Variants in GFRA1 observed in about 807,000 individuals in gnomAD.
The protein encoded by GFRA1 is GDNF family receptor alpha-1.
Under a neutral mutation model 51.6 loss-of-function variants are expected in GFRA1, and 16 were observed. The observed-to-expected ratio is 0.31, with a 90% CI of 0.21 to 0.47. The LOEUF (loss-of-function observed/expected upper bound fraction) is 0.47, where lower values mean the gene tolerates loss of function less well. Among genes scored for constraint, GFRA1 ranks in the 20% least tolerant of loss-of-function variants. The pLI is 1.00. For synonymous variants in GFRA1, 270 were observed against 241.3 expected (o/e 1.12, Z -1.10); for missense variants, 530 against 594.3 (o/e 0.89, Z 1.13).
intron 4 of GFRA1, among the ~76,000 whole-genome samples, chr10:116,262,095 CA>C (rs1407759269): frequency 6.6e-6 from 1 of 152,126 alleles, no homozygotes; most frequent in African/African-American, 2.4e-5. Context: ...GCAGAAAAAT[CA>C]AGAGATGGCA....
chr10:116,127,389 A>G (rs1158657166), intron 5 of GFRA1, among the ~76,000 whole-genome samples: 6 of 152,220 alleles, frequency 3.9e-5, no homozygotes. Context: ...GAAAACCCAT[A>G]TGTAAATATC....
At chr10:116,112,191 C>A (rs992907093) in intron 6 of GFRA1, among the ~76,000 whole-genome samples, 2 of 152,222 alleles carry the variant, frequency 1.3e-5, no homozygotes, top group Non-Finnish European at 2.9e-5. Flanking sequence ...CTTATTTCCA[C>A]TGAAAGGTTT....
Position 116,062,569 on chromosome 10 carries a change from T to C in GFRA1, c.*1829A>G, listed in dbSNP as rs1954869523. ...ATTTCCCCTTCCCCCCAGTGACTTATCTTACAAGGCAAACACCAGCAGGCA... is the reference window on the plus strand; with the variant it reads ...ATTTCCCCTTCCCCCCAGTGACTTACCTTACAAGGCAAACACCAGCAGGCA... On this transcript the variant is annotated 3_prime_UTR_variant, in exon 11 of 11. Transcript: ENST00000355422. 6.5e-6 allele frequency: 1 copy of C among 153,070 alleles called. No individual in the cohort carries two copies. The highest frequency in any genetic ancestry group is 2.4e-5 in the African/African-American group (1 of 41,478). 9.5% of individuals were successfully genotyped at this position (153,070 alleles called of 1,614,324 possible). A position where few individuals can be genotyped will look rare whatever the true frequency, so the allele number is the denominator to read the frequency against.
chr10:116,202,582 C>T (rs972580780), intron 5 of GFRA1, among the ~76,000 whole-genome samples: 2 of 152,104 alleles, frequency 1.3e-5, no homozygotes, highest in African/African-American at 4.8e-5. Flanking sequence ...TAACAGGAAG[C>T]ATGGCTGGGA....
At chr10:116,249,228 A>G (rs975774330) in intron 4 of GFRA1, among the ~76,000 whole-genome samples, 1 of 152,170 alleles carries the variant, frequency 6.6e-6, no homozygotes, top group Non-Finnish European at 1.5e-5. Context: ...GGAGGGGCCA[A>G]TCTGACTTTG....
rs145857436 is a variant in GFRA1, at chr10:116,152,291, G to A, written c.434-26734C>T. Among the ~76,000 whole-genome samples, 763 of 152,286 alleles carry A rather than the reference G, an allele frequency of 5.0e-3. 3 individuals carry two copies. The highest frequency in any genetic ancestry group is 7.0e-3 in the Non-Finnish European group (478 of 68,016). ...GTATTGCAATAAGCCAGTACCCCAC[G>A]CTGTGGAATCACACATCACCGTCTT... On this transcript the variant is annotated intron_variant, in intron 5 of 10. Transcript: ENST00000355422.
At chr10:116,150,775 C>T (rs902456337) in intron 5 of GFRA1, among the ~76,000 whole-genome samples, 1 of 152,162 alleles carries the variant, frequency 6.6e-6, no homozygotes, top group African/African-American at 2.4e-5. Context: ...AGCATCCCTA[C>T]ACGTGATGTT....
intron 6 of GFRA1, among the ~76,000 whole-genome samples, chr10:116,100,727 G>T (rs1240057452): frequency 6.6e-6 from 1 of 152,186 alleles, no homozygotes; most frequent in Admixed American, 6.6e-5. Flanking sequence ...TGCCCTCACT[G>T]TTCCAGCAGC....
Position 116,248,819 on chromosome 10 carries a change from CCCAG to C in GFRA1, c.418+20680_418+20683del, listed in dbSNP as rs900344323. ...ACTAATGCTCCAAGGGCCTCTTTTC[CCCAG>C]ATGGGTGTAGCTGGTCCTTCTCAAA... On this transcript the variant is annotated intron_variant, in intron 4 of 10. Coordinates refer to ENST00000355422, the MANE Select transcript of GFRA1 (RefSeq NM_005264.8). Among the ~76,000 whole-genome samples the C allele has an allele frequency of 2.0e-5, 3 of 152,130 alleles. 1 individual carries two copies. The highest frequency in any genetic ancestry group is 4.1e-4 in the South Asian group (2 of 4,820).
At chr10:116,184,693 C>G (rs1962538917) in intron 5 of GFRA1, among the ~76,000 whole-genome samples, 1 of 152,248 alleles carries the variant, frequency 6.6e-6, no homozygotes. Flanking sequence ...CAGCAGAGAT[C>G]TGGGGCCTGT....
intron 4 of GFRA1, among the ~76,000 whole-genome samples, chr10:116,248,886 C>T (rs1186102000): frequency 1.3e-5 from 2 of 152,182 alleles, no homozygotes; most frequent in East Asian, 3.9e-4. Context: ...AAACCATGCA[C>T]ACCCTGCAAT....
At chr10:116,217,801 A>G (rs1253887927) in intron 4 of GFRA1, among the ~76,000 whole-genome samples, 1 of 152,188 alleles carries the variant, frequency 6.6e-6, no homozygotes, top group Non-Finnish European at 1.5e-5. Flanking sequence ...AAAATTTGCT[A>G]TGAAGACTGA....
chr10:116,096,536 C>T, intron 7 of GFRA1, 119 bp downstream of exon 7: 1 of 705,248 alleles, frequency 1.4e-6, no homozygotes, highest in Non-Finnish European at 2.6e-6. Context: ...ACATCCAAAC[C>T]CCAGCCCAGA....
intron 6 of GFRA1, among the ~76,000 whole-genome samples, chr10:116,122,238 G>A (rs1589805669): frequency 2.0e-5 from 3 of 152,142 alleles, no homozygotes; most frequent in Non-Finnish European, 4.4e-5. Context: ...AGCCAGAAAC[G>A]TGGCAGCAGC....
intron 7 of GFRA1, among the ~76,000 whole-genome samples, chr10:116,095,482 A>G (rs753644382): frequency 2.0e-5 from 3 of 152,172 alleles, no homozygotes; most frequent in Admixed American, 1.3e-4. Flanking sequence ...CTTACTCGGG[A>G]AAAGGAGAGA....
At position 116,268,888 on chromosome 10, in the gene GFRA1, G is replaced by GA. The variant is rs1342666487; in HGVS notation, c.418+614dup. Among the ~76,000 whole-genome samples the GA allele has an allele frequency of 2.6e-5, 4 of 152,224 alleles. No homozygotes were observed. In the East Asian group the frequency reaches 5.8e-4, roughly 22 times the overall value. On this transcript the variant is annotated intron_variant, in intron 4 of 10. Transcript: ENST00000355422. Reference sequence around the variant, plus strand: ...AACCACACATAGAACTGCAAAGAGAGAAAAAACAAACCATGGGAAGCGAGA... The same window carrying GA: ...AACCACACATAGAACTGCAAAGAGAGAAAAAAACAAACCATGGGAAGCGAGA...
In GFRA1 at chr10:116,163,870, C is replaced by T. The variant is rs926748217; in HGVS notation, c.434-38313G>A. On this transcript the variant is annotated intron_variant, in intron 5 of 10. Transcript: ENST00000355422. ...GTGAACCTCCAAGGGTCTGTGTCCC[C>T]GAGTTTGATCTGTCTGTCCCAGCAC... Among the ~76,000 whole-genome samples the T allele has an allele frequency of 9.2e-5, 14 of 152,324 alleles. No homozygotes were observed. In the East Asian group the frequency reaches 2.5e-3, roughly 27 times the overall value.
At position 116,125,575 on chromosome 10, in the gene GFRA1, GAC is replaced by G. The variant is rs1565594140; in HGVS notation, c.434-20_434-19del. The G allele has an allele frequency of 3.1e-6, 5 of 1,592,090 alleles. No homozygotes were observed. ...GTGCTCCACTGCAAATGCAGAGAAA[GAC>G]AGGCATGGTCACAGTGCTCGGCTCT... On this transcript the variant is annotated intron_variant, in intron 5 of 10. Transcript: ENST00000355422.
At chr10:116,123,284 G>A (rs930876258) in intron 6 of GFRA1, among the ~76,000 whole-genome samples, 1 of 152,210 alleles carries the variant, frequency 6.6e-6, no homozygotes, top group African/African-American at 2.4e-5. Context: ...TGGAAGTGAG[G>A]AAGGGTCCTT....
Sources: allele counts gnomAD v4.1 joint callset (sites outside exome capture counted in the v4.1 genomes callset), GRCh38; gene constraint gnomAD v4.1.1; transcripts MANE v1.5; gene names NCBI Gene and HGNC (gene_info 2026-07-23, HGNC 2026-07-21).